OTC: variants seen among roughly 807,000 people sequenced by gnomAD.
The protein encoded by OTC is ornithine transcarbamylase, also known as ornithine transcarbamylase, mitochondrial.
Under a neutral mutation model 30.3 loss-of-function variants are expected in OTC, and 3 were observed. The ratio of observed to expected loss-of-function variants is 0.10; its 90% CI spans 0.05 to 0.26. The LOEUF (loss-of-function observed/expected upper bound fraction) is 0.26, where lower values mean the gene tolerates loss of function less well. OTC is among the 10% of genes least tolerant of loss of function. OTC has a pLI of 1.00. For synonymous variants in OTC, 111 were observed against 99.7 expected, an observed-to-expected ratio of 1.11 and a Z score of -0.67; for missense variants, 194 against 260.3, an observed-to-expected ratio of 0.75 and a Z score of 1.75.
intron 1 of OTC, among the ~76,000 whole-genome samples, chrX:38,362,350 G>A (rs1254958077): frequency 9.0e-6 from 1 of 111,514 alleles, no homozygotes; most frequent in African/African-American, 3.3e-5. Context: ...ACTCTGGGGT[G>A]GGGGAAGGTT....
At chrX:38,338,970 G>A in the OTC span, among the ~76,000 whole-genome samples, 1 of 112,164 alleles carries the variant, frequency 8.9e-6, no homozygotes, top group Non-Finnish European at 1.9e-5. Flanking sequence ...ACTGGATCAT[G>A]TGCCCATGAC....
chrX:38,401,230 T>C (rs1298760276), intron 4 of OTC, 45 bp from the exon 5 acceptor site: 2 of 1,009,793 alleles, frequency 2.0e-6, no homozygotes, highest in South Asian at 3.9e-5. Flanking sequence ...TAAGGCATTA[T>C]TAAGCATAAT....
intron 1 of OTC, among the ~76,000 whole-genome samples, chrX:38,355,980 G>A (rs1303468759): frequency 4.7e-5 from 5 of 107,144 alleles, no homozygotes; most frequent in African/African-American, 1.7e-4. Context: ...CCTGGGAGGC[G>A]GAGGTTGCAG....
intron 6 of OTC, 47 bp downstream of exon 6, chrX:38,403,787 C>T (rs1421929698): frequency 1.7e-6 from 2 of 1,174,456 alleles, no homozygotes; most frequent in African/African-American, 3.5e-5. Context: ...TTAAATCATC[C>T]TCAGATGCAA....
chrX:38,349,657 T>C (rs958978127), upstream of OTC, among the ~76,000 whole-genome samples: 7 of 112,642 alleles, frequency 6.2e-5, no homozygotes, highest in Non-Finnish European at 9.4e-5. Context: ...AACTTTTCTT[T>C]ATAAATTACC....
chrX:38,354,985 A>AT lies in OTC; in HGVS notation c.77+2219dup, dbSNP rs772237150. Among the ~76,000 whole-genome samples the AT allele has an allele frequency of 2.4e-3, 264 of 111,033 alleles. 1 individual carries two copies. Among genetic ancestry groups the AT allele is most frequent in the African/African-American group, 8.2e-3 (250 of 30,452 alleles). On this transcript the variant is annotated intron_variant, in intron 1 of 9. Transcript: ENST00000039007. The stretch of plus-strand genomic sequence containing the variant: ...TCAGCCTTTCACAGGGATTCGAGTT[A>AT]TTTTTTTCTCCCACATCTCTTGGGA...
At chrX:38,342,595 C>T in the OTC span, among the ~76,000 whole-genome samples, 1 of 111,735 alleles carries the variant, frequency 8.9e-6, no homozygotes, top group African/African-American at 3.3e-5. Flanking sequence ...AGATGATTCG[C>T]TTACTTCTTA....
At chrX:38,395,815 C>G (rs1234626666) in intron 4 of OTC, 1 of 111,527 alleles carries the variant, frequency 9.0e-6, no homozygotes, top group Non-Finnish European at 1.9e-5. Context: ...GATAGACATG[C>G]AAGTTATGGT....
At chrX:38,330,742 A>G in the OTC span, among the ~76,000 whole-genome samples, 1 of 111,794 alleles carries the variant, frequency 8.9e-6, no homozygotes, top group Non-Finnish European at 1.9e-5. Flanking sequence ...CTGCTTCATC[A>G]TCATTCAATT....
chrX:38,364,058 A>G (rs2068283755), intron 1 of OTC, among the ~76,000 whole-genome samples: 1 of 110,070 alleles, frequency 9.1e-6, no homozygotes, highest in Non-Finnish European at 1.9e-5. Flanking sequence ...ACTGGGAGGC[A>G]GAGGTTGCAG....
intron 4 of OTC, among the ~76,000 whole-genome samples, chrX:38,392,987 C>T (rs143495012): frequency 1.2e-4 from 13 of 112,415 alleles, no homozygotes; most frequent in Non-Finnish European, 1.7e-4. Flanking sequence ...ACCAAGTCAA[C>T]GGCGTAAATA....
At chrX:38,368,567 A>AT (rs2068308354) in intron 2 of OTC, among the ~76,000 whole-genome samples, 1 of 108,715 alleles carries the variant, frequency 9.2e-6, no homozygotes, top group African/African-American at 3.4e-5. Flanking sequence ...ATAATTCTGC[A>AT]TTTTGAGCAA....
chrX:38,359,115 T>G (rs747481583), intron 1 of OTC, among the ~76,000 whole-genome samples: 1 of 111,855 alleles, frequency 8.9e-6, no homozygotes, highest in South Asian at 3.7e-4. Flanking sequence ...GTACTTCCAT[T>G]TCAGCCTTCA....
At chrX:38,419,678 A>T (rs1461875977) in intron 9 of OTC, among the ~76,000 whole-genome samples, 1 of 111,680 alleles carries the variant, frequency 9.0e-6, no homozygotes, top group African/African-American at 3.3e-5. Flanking sequence ...TGTCGATTTC[A>T]TTTTCTGCAA....
At chrX:38,366,096 G>A (rs1341055085) in intron 1 of OTC, among the ~76,000 whole-genome samples, 1 of 108,073 alleles carries the variant, frequency 9.3e-6, no homozygotes, top group African/African-American at 3.3e-5. Flanking sequence ...GATTGCTAGA[G>A]CAGAACCAGG....
chrX:38,397,576 C>T (rs887060127), intron 4 of OTC, among the ~76,000 whole-genome samples: 1 of 111,912 alleles, frequency 8.9e-6, no homozygotes, highest in African/African-American at 3.2e-5. Flanking sequence ...CTCTTGCTAG[C>T]GACTGAGCTT....
At chrX:38,405,331 A>C (rs1453133764) in intron 6 of OTC, among the ~76,000 whole-genome samples, 1 of 111,569 alleles carries the variant, frequency 9.0e-6, no homozygotes, top group Non-Finnish European at 1.9e-5. Context: ...TGGAGACTAG[A>C]AGTTTGAAAT....
In OTC at chrX:38,396,840, A is replaced by G. The variant is rs759145907; in HGVS notation, c.387-4435A>G. On this transcript the variant is annotated intron_variant, in intron 4 of 9. Coordinates refer to ENST00000039007, the MANE Select transcript of OTC (RefSeq NM_000531.6). The stretch of plus-strand genomic sequence containing the variant: ...AGTTAGTATTTTGGAGTAAATGGTT[A>G]TTATCGTTTTCCTCATTGGAAATTG... Among the ~76,000 whole-genome samples the G allele has an allele frequency of 4.4e-4, 49 of 111,868 alleles. No homozygotes were observed. In the East Asian group the frequency reaches 5.0e-3, roughly 11 times the overall value.
chrX:38,343,610 A>G, the OTC span, among the ~76,000 whole-genome samples: 1 of 112,124 alleles, frequency 8.9e-6, no homozygotes, highest in Non-Finnish European at 1.9e-5. Context: ...AATTTACCAG[A>G]TCACAAAATA....
Sources: allele counts gnomAD v4.1 joint callset (sites outside exome capture counted in the v4.1 genomes callset), GRCh38; gene constraint gnomAD v4.1.1; transcripts MANE v1.5; gene names NCBI Gene and HGNC (gene_info 2026-07-23, HGNC 2026-07-21).